The following ERBB4 variants were observed in gnomAD, a reference collection of about 807,000 sequenced individuals.
The protein encoded by ERBB4 is erb-b2 receptor tyrosine kinase 4.
Under a neutral mutation model 158.0 loss-of-function variants are expected in ERBB4, and 42 were observed. That is an observed-to-expected ratio of 0.27 (90% CI 0.21 to 0.34). The LOEUF is 0.34. Among genes scored for constraint, ERBB4 ranks in the 10% least tolerant of loss-of-function variants. The pLI, the probability that ERBB4 is intolerant of heterozygous loss-of-function variation, is 1.00. For missense variants in ERBB4, 1,333 were observed against 1,624.1 expected (o/e 0.82, Z 3.08); for synonymous variants, 583 against 558.7 (o/e 1.04, Z -0.61).
intron 5 of ERBB4, among the ~76,000 whole-genome samples, chr2:211,745,731 A>AC (rs1409183944): frequency 3.6e-5 from 4 of 112,662 alleles, no homozygotes; most frequent in Admixed American, 1.0e-4. Context: ...AAACAAAAAC[A>AC]AAACAAAAAA....
intron 2 of ERBB4, among the ~76,000 whole-genome samples, chr2:211,948,597 G>A (rs764166861): frequency 1.3e-5 from 2 of 151,686 alleles, no homozygotes; most frequent in Non-Finnish European, 2.9e-5. Context: ...GTGTCATGAA[G>A]AAAGTCTGAG....
At chr2:211,816,460 G>T (rs1217145385) in intron 3 of ERBB4, among the ~76,000 whole-genome samples, 1 of 142,050 alleles carries the variant, frequency 7.0e-6, no homozygotes, top group East Asian at 2.1e-4. Context: ...AGAATTACTT[G>T]AATCCAGGAG....
chr2:212,267,716 G>A (rs891131305), intron 1 of ERBB4, among the ~76,000 whole-genome samples: 9 of 149,618 alleles, frequency 6.0e-5, no homozygotes, highest in African/African-American at 1.2e-4. Flanking sequence ...TTCATTTAAC[G>A]TTAGGTGTAT....
chr2:211,416,663 C>A (rs1388753494), intron 25 of ERBB4, among the ~76,000 whole-genome samples: 1 of 152,184 alleles, frequency 6.6e-6, no homozygotes, highest in African/African-American at 2.4e-5. Flanking sequence ...TGATTAATAA[C>A]TGGCAGCTTT....
intron 1 of ERBB4, among the ~76,000 whole-genome samples, chr2:212,537,981 A>G (rs7607363): frequency 0.48 from 72,994 of 151,858 alleles, 19,545 homozygotes; most frequent in African/African-American, 0.71. Flanking sequence ...GCAAAGCCCG[A>G]TTTTCTGAGC....
At chr2:212,471,113 A>G (rs1689095529) in intron 1 of ERBB4, among the ~76,000 whole-genome samples, 1 of 152,006 alleles carries the variant, frequency 6.6e-6, no homozygotes, top group Non-Finnish European at 1.5e-5. Context: ...CTTCAACCCA[A>G]TGTTTTGGCT....
At chr2:212,395,924 C>T (rs1011111148) in intron 1 of ERBB4, among the ~76,000 whole-genome samples, 1 of 151,976 alleles carries the variant, frequency 6.6e-6, no homozygotes, top group Admixed American at 6.6e-5. Context: ...GCCAGCTATA[C>T]TTTTTTACAC....
rs561875619 is a variant in ERBB4 at position 212,266,205 on chromosome 2, G to A, written c.83-141302C>T. Reference sequence around the variant, plus strand: ...ATTTTCTTTTCCTGGAAACTAATACGAGGAGGAGGGATATTGTTATACTAG... The same window carrying A: ...ATTTTCTTTTCCTGGAAACTAATACAAGGAGGAGGGATATTGTTATACTAG... On this transcript the variant is annotated intron_variant, in intron 1 of 27. Transcript: ENST00000342788. 4.6e-5 allele frequency among the ~76,000 whole-genome samples: 7 copies of A among 150,806 alleles called. 1 individual carries two copies. The highest frequency in any genetic ancestry group is 2.1e-4 in the South Asian group (1 of 4,784).
chr2:211,967,127 C>A (rs1410621052), intron 2 of ERBB4, among the ~76,000 whole-genome samples: 7 of 152,078 alleles, frequency 4.6e-5, no homozygotes, highest in Non-Finnish European at 1.0e-4. Flanking sequence ...GAATTCTACA[C>A]AGAAACAATT....
rs375302295 is a variant in ERBB4 at position 211,682,469 on chromosome 2, C to T, written c.1490-3285G>A. On this transcript the variant is annotated intron_variant, in intron 12 of 27. Coordinates refer to ENST00000342788, the MANE Select transcript of ERBB4 (RefSeq NM_005235.3). ...AATGCTAACCTCATTTAGAAACATC[C>T]TCACAGACATGTCCAGAAATGATAT... is the stretch of plus-strand genomic sequence containing the variant. 8.9e-4 allele frequency among the ~76,000 whole-genome samples: 135 copies of T among 152,094 alleles called. 1 individual carries two copies. The highest frequency in any genetic ancestry group is 1.7e-3 in the Non-Finnish European group (119 of 68,004).
rs375121690 is a variant in ERBB4, at chr2:211,458,461, T to G, written c.2488-27361A>C. ...TTTTGTATTTTAGTAGAGATGGGTTTTCACCATGTTGGCCGAGATGGTCTC... is the reference window on the plus strand; with the variant it reads ...TTTTGTATTTTAGTAGAGATGGGTTGTCACCATGTTGGCCGAGATGGTCTC... On this transcript the variant is annotated intron_variant, in intron 20 of 27. Transcript: ENST00000342788. Among the ~76,000 whole-genome samples, 35 of 152,042 alleles carry G rather than the reference T, an allele frequency of 2.3e-4. 1 individual carries two copies. The highest frequency in any genetic ancestry group is 8.4e-4 in the African/African-American group (35 of 41,458).
At chr2:211,525,398 C>T (rs746610935) in intron 20 of ERBB4, among the ~76,000 whole-genome samples, 8 of 152,138 alleles carry the variant, frequency 5.3e-5, no homozygotes, top group Non-Finnish European at 1.2e-4. Context: ...GGCCTCTATT[C>T]CAGGTCTTAG....
rs2062529857 is a variant in ERBB4, at chr2:211,379,035, C to T, written c.*4580G>A. 4.3e-6 allele frequency: 1 copy of T among 231,512 alleles called. No individual in the cohort carries two copies. The highest frequency in any genetic ancestry group is 5.7e-5 in the Admixed American group (1 of 17,690). 14.3% of individuals were successfully genotyped at this position (231,512 alleles called of 1,614,324 possible). On this transcript the variant is annotated 3_prime_UTR_variant, in exon 28 of 28. Coordinates refer to ENST00000342788, the MANE Select transcript of ERBB4 (RefSeq NM_005235.3). ...GATTTCTCATTTGCCCTATAACAAT[C>T]ATCATTCTAATAACTAAAGTCCAAA... is the stretch of plus-strand genomic sequence containing the variant.
At chr2:212,433,883 A>AT (rs1301404681) in intron 1 of ERBB4, among the ~76,000 whole-genome samples, 3 of 152,018 alleles carry the variant, frequency 2.0e-5, no homozygotes, top group Non-Finnish European at 4.4e-5. Context: ...TTTACCAGTG[A>AT]TTTTTGTCAT....
At chr2:212,358,871 A>T (rs968260149) in intron 1 of ERBB4, among the ~76,000 whole-genome samples, 2 of 151,764 alleles carry the variant, frequency 1.3e-5, no homozygotes, top group Non-Finnish European at 2.9e-5. Flanking sequence ...ATGTCAAAAG[A>T]TATATACAAT....
intron 19 of ERBB4, among the ~76,000 whole-genome samples, chr2:211,562,833 G>C (rs1475345925): frequency 2.1e-5 from 3 of 143,686 alleles, no homozygotes; most frequent in Non-Finnish European, 4.5e-5. Context: ...GTGCAGTGGC[G>C]GGATCTCGGC....
At chr2:212,040,351 A>ATATATTT (rs1245723618) in intron 2 of ERBB4, among the ~76,000 whole-genome samples, 86 of 152,246 alleles carry the variant, frequency 5.6e-4, no homozygotes, top group African/African-American at 2.0e-3. Flanking sequence ...TTAGAAAGAA[A>ATATATTT]ACACTTATAT....
chr2:212,303,154 G>C (rs7584943), intron 1 of ERBB4, among the ~76,000 whole-genome samples: 1 of 151,210 alleles, frequency 6.6e-6, no homozygotes, highest in Non-Finnish European at 1.5e-5. Flanking sequence ...TCCCATCATC[G>C]CTTAACTGTC....
At chr2:211,958,139 T>C (rs2081081238) in intron 2 of ERBB4, among the ~76,000 whole-genome samples, 1 of 152,118 alleles carries the variant, frequency 6.6e-6, no homozygotes, top group Non-Finnish European at 1.5e-5. Flanking sequence ...TCTAAATATT[T>C]GGCCATAAAA....
Sources: allele counts gnomAD v4.1 joint callset (sites outside exome capture counted in the v4.1 genomes callset), GRCh38; gene constraint gnomAD v4.1.1; transcripts MANE v1.5; gene names NCBI Gene and HGNC (gene_info 2026-07-23, HGNC 2026-07-21).